ROBO2: variants seen among roughly 807,000 people sequenced by gnomAD.
ROBO2 encodes the protein roundabout homolog 2.
In ROBO2, 53 loss-of-function variants were observed where a neutral mutation model predicts 160.8. The observed-to-expected ratio is 0.33, with a 90% CI of 0.26 to 0.41. The LOEUF is 0.41. Ranked by LOEUF, ROBO2 falls within the 10% of genes least tolerant of loss-of-function variation. The pLI is 1.00. For missense variants in ROBO2, 1,577 were observed against 1,722.4 expected, an observed-to-expected ratio of 0.92 and a Z score of 1.49; for synonymous variants, 664 against 611.7, an observed-to-expected ratio of 1.09 and a Z score of -1.26.
chr3:76,110,244 A>G (rs975503717), intron 2 of ROBO2, among the ~76,000 whole-genome samples: 5 of 152,060 alleles, frequency 3.3e-5, no homozygotes, highest in East Asian at 1.9e-4. Flanking sequence ...GGTTTTAAGT[A>G]TATTAATCTT....
At chr3:77,000,298 G>A (rs1173809177) in intron 2 of ROBO2, among the ~76,000 whole-genome samples, 1 of 152,084 alleles carries the variant, frequency 6.6e-6, no homozygotes, top group African/African-American at 2.4e-5. Flanking sequence ...AGGTCTTTGG[G>A]TCCTATAAGA....
chr3:76,557,604 CTTTTTTT>C (rs58555009), intron 2 of ROBO2, among the ~76,000 whole-genome samples: 1 of 130,368 alleles, frequency 7.7e-6, no homozygotes. Context: ...TAAAGGGTGC[CTTTTTTT>C]TTTTTTTTTT....
At chr3:76,033,859 C>T (rs1156828063) in intron 2 of ROBO2, among the ~76,000 whole-genome samples, 2 of 152,160 alleles carry the variant, frequency 1.3e-5, no homozygotes, top group Non-Finnish European at 2.9e-5. Flanking sequence ...CTGTCACCCT[C>T]CCGTCTCTCC....
chr3:77,505,080 C>T lies in ROBO2; in HGVS notation c.806+11698C>T, dbSNP rs546221204. ...TTAGTTGTGGTTCTATTATGAAACC[C>T]TTTAATTTCAAGTGAAGTGTTTATA... is the stretch of plus-strand genomic sequence containing the variant. On this transcript the variant is annotated intron_variant, in intron 5 of 25. Transcript: ENST00000461745. Among the ~76,000 whole-genome samples the T allele has an allele frequency of 2.2e-4, 34 of 152,236 alleles. No homozygotes were observed. The East Asian group carries it at 6.6e-3, about 29-fold the overall frequency.
At chr3:76,750,339 C>T (rs558887160) in intron 2 of ROBO2, among the ~76,000 whole-genome samples, 12 of 152,170 alleles carry the variant, frequency 7.9e-5, no homozygotes, top group South Asian at 2.1e-4. Context: ...CAGCCAATAT[C>T]GTACTGAATG....
intron 2 of ROBO2, among the ~76,000 whole-genome samples, chr3:76,324,318 G>A (rs934014363): frequency 6.6e-6 from 1 of 152,204 alleles, no homozygotes; most frequent in African/African-American, 2.4e-5. Flanking sequence ...TTCTAGAACT[G>A]AAGCTGTGTG....
chr3:77,135,605 C>G (rs1579289326), intron 2 of ROBO2, among the ~76,000 whole-genome samples: 1 of 151,050 alleles, frequency 6.6e-6, no homozygotes, highest in East Asian at 1.9e-4. Context: ...GAAGGGGTTT[C>G]GCTATGTTGC....
At chr3:77,582,946 G>A (rs948790578) in intron 16 of ROBO2, among the ~76,000 whole-genome samples, 3 of 151,800 alleles carry the variant, frequency 2.0e-5, no homozygotes, top group Non-Finnish European at 4.4e-5. Context: ...TTCGAGACCA[G>A]CTGGGCAACA....
At chr3:76,467,415 A>AAAG (rs2078420424) in intron 2 of ROBO2, among the ~76,000 whole-genome samples, 2 of 152,166 alleles carry the variant, frequency 1.3e-5, no homozygotes, top group South Asian at 4.1e-4. Context: ...GTGAAGTAAT[A>AAAG]AAATACACAT....
chr3:76,241,875 C>T lies in ROBO2; in HGVS notation c.109+304273C>T, dbSNP rs527551585. ...TATCATTGGCTCCAATGGATTAGGA[C>T]AATTTTCATGATGGAATTGTGAATA... On this transcript the variant is annotated intron_variant, in intron 2 of 26. Coordinates refer to the ROBO2 transcript ENST00000487694. Among the ~76,000 whole-genome samples, 3 of 152,152 alleles carry T rather than the reference C, an allele frequency of 2.0e-5. No homozygotes were observed. The South Asian group carries it at 6.2e-4, about 32-fold the overall frequency.
In ROBO2 at chr3:77,031,551, CAT is replaced by C. The variant is rs1366949302; in HGVS notation, c.110-66460_110-66459del. ...ATATATTCATTTGTATATTTAATAA[CAT>C]ATTTTATATATTATTAAATTAATAT... On this transcript the variant is annotated intron_variant, in intron 2 of 26. Transcript: ENST00000487694. 2.2e-4 allele frequency among the ~76,000 whole-genome samples: 31 copies of C among 143,676 alleles called. 1 individual carries two copies. The East Asian group carries it at 5.6e-3, about 26-fold the overall frequency. 94.3% of individuals were successfully genotyped at this position (143,676 alleles called of 152,430 possible).
intron 2 of ROBO2, among the ~76,000 whole-genome samples, chr3:77,426,087 C>A (rs1239263897): frequency 6.6e-6 from 1 of 151,990 alleles, no homozygotes; most frequent in African/African-American, 2.4e-5. Flanking sequence ...TGGGAGGGAG[C>A]AAGAACGAAG....
intron 2 of ROBO2, among the ~76,000 whole-genome samples, chr3:76,252,114 A>G (rs932728212): frequency 2.6e-5 from 4 of 152,072 alleles, no homozygotes; most frequent in Non-Finnish European, 5.9e-5. Flanking sequence ...TAAGCAATTC[A>G]TGAGGTATCA....
intron 2 of ROBO2, among the ~76,000 whole-genome samples, chr3:76,563,799 C>T (rs748661429): frequency 6.6e-5 from 10 of 152,030 alleles, no homozygotes; most frequent in South Asian, 4.2e-4. Flanking sequence ...AGTGTCTACA[C>T]GATTACTTTA....
At chr3:76,398,003 C>T (rs146998311) in intron 2 of ROBO2, among the ~76,000 whole-genome samples, 1 of 152,072 alleles carries the variant, frequency 6.6e-6, no homozygotes, top group Non-Finnish European at 1.5e-5. Flanking sequence ...ATAAATCATG[C>T]TGCCATAAAG....
intron 2 of ROBO2, among the ~76,000 whole-genome samples, chr3:76,714,422 G>A (rs561645860): frequency 6.6e-6 from 1 of 152,218 alleles, no homozygotes; most frequent in Non-Finnish European, 1.5e-5. Flanking sequence ...GAACAACAAG[G>A]AAACTTTTGA....
At chr3:77,410,280 C>A (rs570538367) in intron 2 of ROBO2, among the ~76,000 whole-genome samples, 30 of 152,146 alleles carry the variant, frequency 2.0e-4, no homozygotes, top group African/African-American at 7.0e-4. Context: ...TAAATGACCT[C>A]CCATTAATGT....
intron 5 of ROBO2, among the ~76,000 whole-genome samples, chr3:77,514,775 A>G (rs1482258078): frequency 6.6e-6 from 1 of 151,808 alleles, no homozygotes; most frequent in African/African-American, 2.4e-5. Context: ...TAATGGTTAC[A>G]ATGACATTAA....
intron 2 of ROBO2, among the ~76,000 whole-genome samples, chr3:76,716,721 A>G (rs1576197730): frequency 1.3e-5 from 2 of 152,332 alleles, no homozygotes; most frequent in South Asian, 2.1e-4. Flanking sequence ...TTGAGCTATC[A>G]TGTGAATCTG....
Sources: allele counts gnomAD v4.1 joint callset (sites outside exome capture counted in the v4.1 genomes callset), GRCh38; gene constraint gnomAD v4.1.1; transcripts MANE v1.5; gene names NCBI Gene and HGNC (gene_info 2026-07-23, HGNC 2026-07-21).